Variants in ZFAND1 observed in about 807,000 individuals in gnomAD.
ZFAND1 encodes AN1-type zinc finger protein 1.
In ZFAND1, 40 loss-of-function variants were observed where a neutral mutation model predicts 38.5. That is an observed-to-expected ratio of 1.04 (90% CI 0.81 to 1.35). The LOEUF (loss-of-function observed/expected upper bound fraction) is 1.35, where lower values mean the gene tolerates loss of function less well. Among genes scored for constraint, ZFAND1 ranks in the 40% most tolerant of loss-of-function variants. ZFAND1 has a pLI of 0.00. For missense variants in ZFAND1, 346 were observed against 316.3 expected, an observed-to-expected ratio of 1.09 and a Z score of -0.71; for synonymous variants, 117 against 103.6, an observed-to-expected ratio of 1.13 and a Z score of -0.78.
chr8:81,716,374 A>G (rs780206439), intron 3 of ZFAND1, among the ~76,000 whole-genome samples: 4 of 152,192 alleles, frequency 2.6e-5, no homozygotes, highest in Non-Finnish European at 5.9e-5. Flanking sequence ...CATTTGCTCT[A>G]TGCTGAACTT....
At chr8:81,710,273 T>C (rs976221909) in intron 6 of ZFAND1, among the ~76,000 whole-genome samples, 4 of 152,212 alleles carry the variant, frequency 2.6e-5, no homozygotes, top group Admixed American at 2.6e-4. Context: ...CACAGGAGTG[T>C]GTATGTTTTT....
rs1807810551 is a variant in ZFAND1, at chr8:81,701,504, G to C, written c.*1191C>G. 6.6e-6 allele frequency: 1 copy of C among 152,038 alleles called. No homozygotes were observed. The highest frequency in any genetic ancestry group is 1.5e-5 in the Non-Finnish European group (1 of 68,026). 9.4% of individuals were successfully genotyped at this position (152,038 alleles called of 1,614,324 possible). ...TATACTCCAATATTTGCTTTGTGTG[G>C]TAGTCTGAAACTGAACCCACAATAT... On this transcript the variant is annotated 3_prime_UTR_variant, in exon 8 of 8. Coordinates refer to ENST00000220669, the MANE Select transcript of ZFAND1 (RefSeq NM_024699.3).
At chr8:81,708,147 G>C (rs558653049) in intron 6 of ZFAND1, among the ~76,000 whole-genome samples, 2 of 151,916 alleles carry the variant, frequency 1.3e-5, no homozygotes, top group South Asian at 4.1e-4. Flanking sequence ...CTACTCAGGA[G>C]GCTGAGGCAG....
Position 81,718,215 on chromosome 8 carries a change from G to T in ZFAND1, c.65C>A (p.Pro22Gln), listed in dbSNP as rs1248942074. The change falls in exon 2 of 8, where the codon CCA becomes CAA. Residue 22 changes from proline (P) to glutamine (Q), a missense_variant. Pro to Gln is a moderately conservative substitution (Grantham distance 76). Coordinates refer to ENST00000220669, the MANE Select transcript of ZFAND1 (RefSeq NM_024699.3). ...TCCTGAACAATCATCACACACAAAT[G>T]GAAGAAAATCTAAAATTGAGAGAAA... ...VEHCRQRDFL[P>Q]FVCDDCSGIF... is the part of the protein sequence containing the mutation. 2 of 1,569,760 alleles carry T rather than the reference G, an allele frequency of 1.3e-6. No homozygotes were observed. Among genetic ancestry groups the T allele is most frequent in the Non-Finnish European group, 1.7e-6 (2 of 1,157,582 alleles).
In ZFAND1 at chr8:81,702,638, G is replaced by A. The variant is rs1438786209; in HGVS notation, c.*57C>T. 1 of 1,297,656 alleles carries A rather than the reference G, an allele frequency of 7.7e-7. No homozygotes were observed. 80.4% of individuals were successfully genotyped at this position (1,297,656 alleles called of 1,614,324 possible). A position where few individuals can be genotyped will look rare whatever the true frequency, so the allele number is the denominator to read the frequency against. ...AAATAGTATTTGTAGTAAAATAAAT[G>A]GACTTAAACATGTAATAGAATTTTC... On this transcript the variant is annotated 3_prime_UTR_variant, in exon 8 of 8. Coordinates refer to ENST00000220669, the MANE Select transcript of ZFAND1 (RefSeq NM_024699.3).
At chr8:81,714,072 T>G in intron 5 of ZFAND1, 33 bp from the exon 6 acceptor site, 1 of 1,548,858 alleles carries the variant, frequency 6.5e-7, no homozygotes, top group Non-Finnish European at 8.7e-7. Flanking sequence ...CACATAAAAC[T>G]TTCACATTAC....
At chr8:81,716,676 C>T (rs1012268500) in intron 3 of ZFAND1, among the ~76,000 whole-genome samples, 10 of 152,274 alleles carry the variant, frequency 6.6e-5, no homozygotes, top group East Asian at 1.9e-4. Context: ...TGGCTGGGCG[C>T]GGTGGCTAAC....
At chr8:81,714,073 T>G in intron 5 of ZFAND1, 34 bp from the exon 6 acceptor site, 1 of 1,546,764 alleles carries the variant, frequency 6.5e-7, no homozygotes, top group Non-Finnish European at 8.7e-7. Flanking sequence ...ACATAAAACT[T>G]TCACATTACA....
chr8:81,707,876 C>T (rs1050737721), intron 6 of ZFAND1, among the ~76,000 whole-genome samples: 2 of 152,048 alleles, frequency 1.3e-5, no homozygotes, highest in African/African-American at 4.8e-5. Flanking sequence ...GGCAAAACTA[C>T]CTAAACAACT....
chr8:81,705,437 T>A (rs1485927465), intron 6 of ZFAND1, among the ~76,000 whole-genome samples: 1 of 151,858 alleles, frequency 6.6e-6, no homozygotes, highest in Non-Finnish European at 1.5e-5. Flanking sequence ...AAAACCAAAA[T>A]AGGCACAAAT....
intron 5 of ZFAND1, 89 bp from the exon 6 acceptor site, chr8:81,714,128 CAT>C (rs3830331): frequency 2.4e-6 from 3 of 1,257,196 alleles, no homozygotes; most frequent in Non-Finnish European, 3.2e-6. Flanking sequence ...GGCTCAGAAA[CAT>C]ATATAAATTA....
intron 6 of ZFAND1, among the ~76,000 whole-genome samples, chr8:81,710,129 C>G (rs960580502): frequency 7.9e-5 from 12 of 152,304 alleles, no homozygotes; most frequent in Admixed American, 7.8e-4. Context: ...CCTCTACCAA[C>G]TAAATACCAG....
At chr8:81,721,179 C>A in intron 1 of ZFAND1, 48 bp downstream of exon 1, 1 of 1,542,960 alleles carries the variant, frequency 6.5e-7, no homozygotes, top group Non-Finnish European at 8.7e-7. Context: ...CAAAGCGGAG[C>A]CCTGGTCTCC....
At position 81,702,618 on chromosome 8, in the gene ZFAND1, G is replaced by C; in HGVS notation, c.*77C>G. ...GCAACTTTTAAAAATTACAAAAATA[G>C]TATTTGTAGTAAAATAAATGGACTT... On this transcript the variant is annotated 3_prime_UTR_variant, in exon 8 of 8. Coordinates refer to ENST00000220669, the MANE Select transcript of ZFAND1 (RefSeq NM_024699.3). 1 of 1,153,934 alleles carries C rather than the reference G, an allele frequency of 8.7e-7. No individual in the cohort carries two copies. The highest frequency in any genetic ancestry group is 1.1e-6 in the Non-Finnish European group (1 of 871,128). 71.5% of individuals were successfully genotyped at this position (1,153,934 alleles called of 1,614,324 possible). A position where few individuals can be genotyped will look rare whatever the true frequency, so the allele number is the denominator to read the frequency against.
intron 3 of ZFAND1, among the ~76,000 whole-genome samples, chr8:81,715,430 TATCTC>T (rs1036033871): frequency 1.3e-5 from 2 of 152,310 alleles, no homozygotes; most frequent in Admixed American, 6.5e-5. Context: ...CTCAGGTAAT[TATCTC>T]ATCAACCCTC....
In ZFAND1 at chr8:81,715,064, TG is replaced by T; in HGVS notation, c.188del (p.Pro63HisfsTer26). ...RLKTDQHTSY[P>X]CSFKDCAERE... Reference sequence around the variant, plus strand: ...TCTCAGCACAGTCTTTGAAAGAGCATGGGTAAGATGTATGTTGATCTGTCTT... The same window carrying T: ...TCTCAGCACAGTCTTTGAAAGAGCATGGTAAGATGTATGTTGATCTGTCTT... On this transcript the variant is annotated frameshift_variant, in exon 4 of 8. Transcript: ENST00000220669. LOFTEE classifies it high-confidence loss of function. The T allele has an allele frequency of 6.2e-7, 1 of 1,614,044 alleles. No individual in the cohort carries two copies. The highest frequency in any genetic ancestry group is 8.5e-7 in the Non-Finnish European group (1 of 1,179,950).
At chr8:81,714,560 G>T in intron 5 of ZFAND1, 1 of 434,530 alleles carries the variant, frequency 2.3e-6, no homozygotes, top group Non-Finnish European at 4.2e-6. Context: ...TGGTTAACTA[G>T]CTAATCTAAG....
At chr8:81,711,774 G>A (rs890153486) in intron 6 of ZFAND1, among the ~76,000 whole-genome samples, 2 of 151,874 alleles carry the variant, frequency 1.3e-5, no homozygotes, top group Non-Finnish European at 2.9e-5. Context: ...ACAGTTTTTT[G>A]GAAAAATATT....
chr8:81,710,277 T>C (rs527788869), intron 6 of ZFAND1, among the ~76,000 whole-genome samples: 1 of 152,222 alleles, frequency 6.6e-6, no homozygotes, highest in East Asian at 1.9e-4. Flanking sequence ...GGAGTGTGTA[T>C]GTTTTTTCTC....
Sources: allele counts gnomAD v4.1 joint callset (sites outside exome capture counted in the v4.1 genomes callset), GRCh38; gene constraint gnomAD v4.1.1; transcripts MANE v1.5; gene names NCBI Gene and HGNC (gene_info 2026-07-23, HGNC 2026-07-21).